DCDC1: variants seen among roughly 807,000 people sequenced by gnomAD.
DCDC1 encodes doublecortin domain-containing protein 1.
DCDC1 carries 200 observed loss-of-function variants against 178.3 expected under a neutral mutation model. That is an observed-to-expected ratio of 1.12 (90% CI 1.00 to 1.26). The LOEUF is 1.26. Ranked by LOEUF, DCDC1 falls within the 50% of genes most tolerant of loss-of-function variation. DCDC1 has a pLI of 0.00. For synonymous variants in DCDC1, 690 were observed against 604.8 expected, an observed-to-expected ratio of 1.14 and a Z score of -2.07; for missense variants, 1,983 against 1,749.2, an observed-to-expected ratio of 1.13 and a Z score of -2.38.
At chr11:31,071,451 T>TG (rs984866949) in intron 18 of DCDC1, among the ~76,000 whole-genome samples, 10 of 152,158 alleles carry the variant, frequency 6.6e-5, no homozygotes, top group African/African-American at 2.4e-4. Flanking sequence ...TTTTGATAAA[T>TG]GTTGTCAAAC....
intron 24 of DCDC1, among the ~76,000 whole-genome samples, chr11:30,922,056 C>T (rs1311455291): frequency 6.6e-6 from 1 of 152,114 alleles, no homozygotes; most frequent in African/African-American, 2.4e-5. Flanking sequence ...ACAGAAGGAA[C>T]CATAAGTCAC....
chr11:31,178,856 C>T (rs777180838), intron 9 of DCDC1, among the ~76,000 whole-genome samples: 2 of 151,982 alleles, frequency 1.3e-5, no homozygotes, highest in Non-Finnish European at 2.9e-5. Context: ...CCACACCTGG[C>T]TAATTTTTGT....
intron 3 of DCDC1, among the ~76,000 whole-genome samples, chr11:31,312,005 A>G (rs1948797680): frequency 6.6e-6 from 1 of 152,108 alleles, no homozygotes; most frequent in Non-Finnish European, 1.5e-5. Flanking sequence ...TGGGGCCAGA[A>G]GAATCTAGTA....
chr11:31,099,332 C>G (rs1378916106), intron 15 of DCDC1, among the ~76,000 whole-genome samples: 1 of 152,182 alleles, frequency 6.6e-6, no homozygotes, highest in Non-Finnish European at 1.5e-5. Context: ...CCTGAGTTAT[C>G]TTCCTAATAT....
intron 23 of DCDC1, 50 bp downstream of exon 23, chr11:30,925,259 G>A (rs1313986208): frequency 6.9e-7 from 1 of 1,457,744 alleles, no homozygotes; most frequent in Non-Finnish European, 9.6e-7. Flanking sequence ...TTCTTTCTTG[G>A]ATGGGGTATT....
intron 9 of DCDC1, among the ~76,000 whole-genome samples, chr11:31,218,769 C>A (rs1973888590): frequency 6.6e-6 from 1 of 152,100 alleles, no homozygotes; most frequent in South Asian, 2.1e-4. Context: ...TAACTTGAAG[C>A]TTTCTACCTT....
At chr11:31,189,052 T>G (rs1969834050) in intron 9 of DCDC1, among the ~76,000 whole-genome samples, 1 of 152,164 alleles carries the variant, frequency 6.6e-6, no homozygotes, top group Non-Finnish European at 1.5e-5. Context: ...GACACCGAAT[T>G]TGTTGGTGCC....
chr11:31,062,068 C>T (rs1185626326), intron 20 of DCDC1, among the ~76,000 whole-genome samples: 2 of 151,982 alleles, frequency 1.3e-5, no homozygotes, highest in Non-Finnish European at 1.5e-5. Context: ...GTGAAATAGG[C>T]AAAGCAGGTG....
chr11:30,889,395 C>G (rs1416876988), intron 36 of DCDC1, among the ~76,000 whole-genome samples: 1 of 152,184 alleles, frequency 6.6e-6, no homozygotes, highest in Non-Finnish European at 1.5e-5. Context: ...ATTCAAATAC[C>G]ATCTGGGGGT....
intron 3 of DCDC1, among the ~76,000 whole-genome samples, chr11:31,311,649 G>A (rs528361515): frequency 2.0e-5 from 3 of 152,260 alleles, no homozygotes; most frequent in Admixed American, 2.0e-4. Flanking sequence ...GGCCCAAAGA[G>A]ATGTGGATCA....
intron 9 of DCDC1, among the ~76,000 whole-genome samples, chr11:31,165,453 A>G (rs1333783862): frequency 6.6e-6 from 1 of 152,024 alleles, no homozygotes; most frequent in South Asian, 2.1e-4. Context: ...TTGGGAATAC[A>G]GGGACACATT....
chr11:30,917,127 G>A, intron 25 of DCDC1, 99 bp from the exon 26 acceptor site: 1 of 1,177,814 alleles, frequency 8.5e-7, no homozygotes, highest in Admixed American at 2.9e-5. Context: ...ACAGGATGTT[G>A]GTGGATCTAT....
At chr11:31,005,938 T>C (rs1951814771) in intron 20 of DCDC1, among the ~76,000 whole-genome samples, 2 of 134,078 alleles carry the variant, frequency 1.5e-5, no homozygotes, top group Non-Finnish European at 3.1e-5. Context: ...AACAGGCATA[T>C]AGCTCTTATT....
Position 31,050,240 on chromosome 11 carries a change from C to T in DCDC1, c.2591+14229G>A, listed in dbSNP as rs975621767. ...GCCTATGACTGCCCGCTTTCCTCCA[C>T]TTCCCTGACAACCTGCATGACTCAG... On this transcript the variant is annotated intron_variant, in intron 20 of 38. Transcript: ENST00000684477. Among the ~76,000 whole-genome samples the T allele has an allele frequency of 5.3e-5, 8 of 152,218 alleles. No individual in the cohort carries two copies. In the East Asian group the frequency reaches 1.6e-3, roughly 30 times the overall value.
rs754527339 is a variant in DCDC1, at chr11:30,908,972, T to A, written c.3892A>T (p.Ile1298Phe). Residue 1298 changes from isoleucine to phenylalanine, a missense_variant, in exon 29 of 39, where the codon ATT (isoleucine) becomes TTT (phenylalanine). Ile to Phe is a conservative substitution (Grantham distance 21, BLOSUM62 0). Coordinates refer to ENST00000684477, the MANE Select transcript of DCDC1 (RefSeq NM_001387274.1). The part of the protein sequence containing the change: ...NYAGVCTSSV[I>F]KEENIDQPGY... ...GGTTGATCAATGTTTTCTTCTTTAA[T>A]CACAGATGATGTACAGACACCAGCA... 1 of 1,604,996 alleles carries A rather than the reference T, an allele frequency of 6.2e-7. No individual in the cohort carries two copies. The highest frequency in any genetic ancestry group is 8.5e-7 in the Non-Finnish European group (1 of 1,174,956).
intron 20 of DCDC1, among the ~76,000 whole-genome samples, chr11:31,057,075 T>C (rs1478312787): frequency 6.6e-6 from 1 of 151,770 alleles, no homozygotes; most frequent in Non-Finnish European, 1.5e-5. Context: ...CTACTAAAAA[T>C]ACAAAAATTA....
chr11:31,359,688 T>C (rs1951607213), intron 1 of DCDC1, among the ~76,000 whole-genome samples: 1 of 152,230 alleles, frequency 6.6e-6, no homozygotes, highest in African/African-American at 2.4e-5. Context: ...TCTGAAGTTC[T>C]GGTCCTAGTT....
chr11:31,235,479 A>T (rs1156697985), intron 9 of DCDC1, among the ~76,000 whole-genome samples: 1 of 151,970 alleles, frequency 6.6e-6, no homozygotes, highest in Non-Finnish European at 1.5e-5. Context: ...TTATAATTAA[A>T]ACACTTAAAT....
Position 31,131,247 on chromosome 11 carries a change from A to G in DCDC1, c.1315-3608T>C, listed in dbSNP as rs1591155920. On this transcript the variant is annotated intron_variant, in intron 10 of 38. Transcript: ENST00000684477. The stretch of plus-strand genomic sequence containing the variant: ...AAGAAAAAGAAAAGAAAAGGAAGGA[A>G]GAAATTAAAGGGAGAAGGTGATTGG... Among the ~76,000 whole-genome samples, 4 of 152,170 alleles carry G rather than the reference A, an allele frequency of 2.6e-5. No homozygotes were observed. The East Asian group carries it at 7.7e-4, about 29-fold the overall frequency.
Sources: allele counts gnomAD v4.1 joint callset (sites outside exome capture counted in the v4.1 genomes callset), GRCh38; gene constraint gnomAD v4.1.1; transcripts MANE v1.5; gene names NCBI Gene and HGNC (gene_info 2026-07-23, HGNC 2026-07-21).